The following KCNIP1 variants were observed in gnomAD, a reference collection of about 807,000 sequenced individuals.
KCNIP1 encodes potassium voltage-gated channel interacting protein 1.
A neutral mutation model predicts 33.0 loss-of-function variants in KCNIP1; 18 were observed. That is an observed-to-expected ratio of 0.55 (90% CI 0.38 to 0.81). The LOEUF (loss-of-function observed/expected upper bound fraction) is 0.81. Among genes scored for constraint, KCNIP1 ranks in the 30% least tolerant of loss-of-function variants. The pLI, the probability that KCNIP1 is intolerant of heterozygous loss-of-function variation, is 0.00. For synonymous variants in KCNIP1, 93 were observed against 98.3 expected (o/e 0.95, Z 0.32); for missense variants, 238 against 271.6 (o/e 0.88, Z 0.87).
intron 1 of KCNIP1, among the ~76,000 whole-genome samples, chr5:170,633,746 GGGGGGCGGGGCGGAGGGGGGATGGGGC>G (rs1760171811): frequency 3.1e-5 from 1 of 31,890 alleles, no homozygotes; most frequent in Non-Finnish European, 7.6e-5. Flanking sequence ...AGGGGGGGGC[GGGGGGCGGGGCGGAGGGGGGATGGGGC>G]GGGGCGGGGT....
chr5:170,551,862 G>T (rs1017061521), intron 1 of KCNIP1, among the ~76,000 whole-genome samples: 16 of 147,330 alleles, frequency 1.1e-4, no homozygotes, highest in Admixed American at 9.3e-4. Context: ...GAGACTGTGT[G>T]TTTGAGTGTG....
chr5:170,498,609 T>A (rs1757354580), intron 1 of KCNIP1, among the ~76,000 whole-genome samples: 1 of 152,188 alleles, frequency 6.6e-6, no homozygotes, highest in Non-Finnish European at 1.5e-5. Flanking sequence ...TGAGAGCAGG[T>A]ACTCTTGCCT....
At chr5:170,598,937 G>GTGTA (rs1395366907) in intron 1 of KCNIP1, among the ~76,000 whole-genome samples, 1 of 150,874 alleles carries the variant, frequency 6.6e-6, no homozygotes, top group African/African-American at 2.4e-5. Flanking sequence ...GTGTGTGTGT[G>GTGTA]TGTGTTTGGT....
rs1554088940 is a variant in KCNIP1 at position 170,390,517 on chromosome 5, AAT to A, written c.88+36574_88+36575del. Among the ~76,000 whole-genome samples the A allele has an allele frequency of 5.1e-3, 382 of 74,538 alleles. 20 individuals are homozygous for A. Among genetic ancestry groups the A allele is most frequent in the South Asian group, 0.02 (45 of 2,266 alleles). The allele number at this position is 74,538 out of a possible 152,430, so 48.9% of individuals were successfully genotyped here. A position where few individuals can be genotyped will look rare whatever the true frequency, so the allele number is the denominator to read the frequency against. On this transcript the variant is annotated intron_variant, in intron 1 of 7. Transcript: ENST00000377360. ...GACCCCGTCTCAAAAAAAAAAAACA[AAT>A]ATATATATATATATATATATTTTCA... is the stretch of plus-strand genomic sequence containing the variant.
At chr5:170,512,120 G>A (rs1038533670) in intron 1 of KCNIP1, among the ~76,000 whole-genome samples, 9 of 152,208 alleles carry the variant, frequency 5.9e-5, no homozygotes, top group African/African-American at 2.2e-4. Context: ...TTCATTAATA[G>A]GATTAAACAT....
chr5:170,576,042 C>T (rs1757592207), intron 1 of KCNIP1, among the ~76,000 whole-genome samples: 1 of 152,210 alleles, frequency 6.6e-6, no homozygotes, highest in African/African-American at 2.4e-5. Context: ...TCACTGCCTG[C>T]AGTTTATTCA....
chr5:170,369,838 C>T (rs1277516656), intron 1 of KCNIP1, among the ~76,000 whole-genome samples: 1 of 152,190 alleles, frequency 6.6e-6, no homozygotes, highest in East Asian at 1.9e-4. Flanking sequence ...TGGCCTACCT[C>T]GCACTGGAAG....
intron 1 of KCNIP1, among the ~76,000 whole-genome samples, chr5:170,522,143 G>A (rs1327599330): frequency 2.0e-5 from 3 of 152,226 alleles, no homozygotes; most frequent in African/African-American, 7.2e-5. Context: ...GTACTATGTG[G>A]TCATCTTGGG....
At chr5:170,677,785 A>C (rs1032878315) in intron 1 of KCNIP1, among the ~76,000 whole-genome samples, 1 of 152,168 alleles carries the variant, frequency 6.6e-6, no homozygotes, top group African/African-American at 2.4e-5. Flanking sequence ...CCTTTTCACA[A>C]ATAATCAAAC....
intron 1 of KCNIP1, among the ~76,000 whole-genome samples, chr5:170,613,229 T>C (rs1251702918): frequency 1.3e-5 from 2 of 152,244 alleles, no homozygotes; most frequent in African/African-American, 2.4e-5. Flanking sequence ...CGGTTTTGCA[T>C]GGATCCCTGC....
At chr5:170,685,617 TAGCTGGGATTAC>T (rs1325154055) in intron 1 of KCNIP1, among the ~76,000 whole-genome samples, 1 of 151,746 alleles carries the variant, frequency 6.6e-6, no homozygotes, top group Admixed American at 6.6e-5. Context: ...GCCTCCTGAG[TAGCTGGGATTAC>T]AGGCATGTGC....
chr5:170,387,300 G>A (rs989511841), intron 1 of KCNIP1, among the ~76,000 whole-genome samples: 5 of 152,074 alleles, frequency 3.3e-5, no homozygotes, highest in African/African-American at 4.8e-5. Context: ...GCCAGTGTCC[G>A]GGTGACAGGC....
intron 1 of KCNIP1, among the ~76,000 whole-genome samples, chr5:170,598,616 A>G (rs913938713): frequency 2.6e-5 from 4 of 152,196 alleles, no homozygotes. Context: ...GGAAACTTTT[A>G]TCCAAAGACA....
intron 1 of KCNIP1, among the ~76,000 whole-genome samples, chr5:170,446,587 G>A (rs1315090381): frequency 6.6e-6 from 1 of 152,038 alleles, no homozygotes; most frequent in Non-Finnish European, 1.5e-5. Flanking sequence ...TCAGCCTCAC[G>A]AGTAGGTGGG....
chr5:170,639,402 C>T lies in KCNIP1; in HGVS notation c.62-79356C>T, dbSNP rs1423549232. ...GGCATATTACATTTAAACCCTCAATCTGTTGGGTATTTGAGTGAAATGGAC... is the reference window on the plus strand; with the variant it reads ...GGCATATTACATTTAAACCCTCAATTTGTTGGGTATTTGAGTGAAATGGAC... On this transcript the variant is annotated intron_variant, in intron 1 of 7. Transcript: ENST00000328939. The T allele has an allele frequency of 2.6e-5, 4 of 152,238 alleles. No individual in the cohort carries two copies. The East Asian group carries it at 7.7e-4, about 29-fold the overall frequency. 9.4% of individuals were successfully genotyped at this position (152,238 alleles called of 1,614,324 possible).
Position 170,429,557 on chromosome 5 carries a change from C to T in KCNIP1, c.88+75593C>T, listed in dbSNP as rs113521537. 7.5e-3 allele frequency among the ~76,000 whole-genome samples: 1,143 copies of T among 152,102 alleles called. 19 individuals carry two copies. The highest frequency in any genetic ancestry group is 0.026 in the African/African-American group (1,072 of 41,460). ...GTGAAGTCAGGGCTTTTAGGGTATC[C>T]GTCCCCACAATGACGTATATTGTAC... On this transcript the variant is annotated intron_variant, in intron 1 of 7. Transcript: ENST00000377360.
intron 1 of KCNIP1, among the ~76,000 whole-genome samples, chr5:170,626,374 C>T (rs1007573343): frequency 2.6e-5 from 4 of 152,168 alleles, no homozygotes; most frequent in African/African-American, 9.7e-5. Flanking sequence ...CTTGGCTTTT[C>T]TAACGAGAGT....
rs1755783404 is a variant in KCNIP1, at chr5:170,433,212, A to G, written c.88+79248A>G. 2.0e-5 allele frequency among the ~76,000 whole-genome samples: 3 copies of G among 152,046 alleles called. No homozygotes were observed. In the South Asian group the frequency reaches 6.2e-4, roughly 32 times the overall value. Reference sequence around the variant, plus strand: ...TATTTATTACTATTTTTTGAGATGGAGTCTCGCTCTGTCACCCAGGCTGGA... The same window carrying G: ...TATTTATTACTATTTTTTGAGATGGGGTCTCGCTCTGTCACCCAGGCTGGA... On this transcript the variant is annotated intron_variant, in intron 1 of 7. Transcript: ENST00000377360.
chr5:170,561,241 G>T (rs1561687618), intron 1 of KCNIP1: 2 of 395,184 alleles, frequency 5.1e-6, no homozygotes, highest in Non-Finnish European at 5.2e-6. Flanking sequence ...GCTCTGCTTG[G>T]CTGGCCCCTG....
Sources: gnomAD v4.1 joint callset for allele counts (sites outside exome capture counted in the v4.1 genomes callset) on GRCh38, gnomAD v4.1.1 for gene constraint, MANE v1.5 for transcripts, NCBI Gene and HGNC (gene_info 2026-07-23, HGNC 2026-07-21) for gene names.